ZNF385D: variants seen among roughly 807,000 people sequenced by gnomAD.
The protein encoded by ZNF385D is zinc finger protein 385D.
In ZNF385D, 15 loss-of-function variants were observed where a neutral mutation model predicts 35.8. The observed-to-expected ratio is 0.42, with a 90% confidence interval of 0.28 to 0.64. ZNF385D has a LOEUF of 0.64. Ranked by LOEUF, ZNF385D falls within the 30% of genes least tolerant of loss-of-function variation. The pLI, the probability that ZNF385D is intolerant of heterozygous loss-of-function variation, is 0.23. For missense variants in ZNF385D, 474 were observed against 494.6 expected (o/e 0.96, Z 0.39); for synonymous variants, 212 against 186.8 (o/e 1.13, Z -1.10).
intron 3 of ZNF385D, among the ~76,000 whole-genome samples, chr3:22,002,297 G>C (rs1279622655): frequency 1.3e-5 from 2 of 152,058 alleles, no homozygotes; most frequent in South Asian, 2.1e-4. Flanking sequence ...AGAAACATTA[G>C]AGGATATGAT....
At chr3:22,367,705 G>A (rs1039652751) in intron 2 of ZNF385D, among the ~76,000 whole-genome samples, 2 of 151,866 alleles carry the variant, frequency 1.3e-5, no homozygotes, top group African/African-American at 4.8e-5. Flanking sequence ...TTTCAGTTGA[G>A]GATAGATGGA....
Position 22,211,963 on chromosome 3 carries a change from C to A in ZNF385D, c.107-42928G>T, listed in dbSNP as rs145055006. 1.5e-3 allele frequency among the ~76,000 whole-genome samples: 232 copies of A among 152,068 alleles called. 1 individual carries two copies. Among genetic ancestry groups the A allele is most frequent in the African/African-American group, 5.2e-3 (216 of 41,530 alleles). ...ATGTGTTCCATCCAGATTTGTTTTT[C>A]TTTTCAGAATTTTCTCTGCCCTACA... On this transcript the variant is annotated intron_variant, in intron 2 of 5. Coordinates refer to the ZNF385D transcript ENST00000494108.
chr3:21,980,016 G>C (rs1340514166), intron 3 of ZNF385D, among the ~76,000 whole-genome samples: 7 of 152,086 alleles, frequency 4.6e-5, no homozygotes, highest in Non-Finnish European at 7.4e-5. Flanking sequence ...TTCAAGACTA[G>C]GCCATAAAAG....
intron 3 of ZNF385D, among the ~76,000 whole-genome samples, chr3:21,847,082 T>C (rs572934632): frequency 6.6e-6 from 1 of 152,162 alleles, no homozygotes; most frequent in African/African-American, 2.4e-5. Context: ...TATTTCTAAA[T>C]TCTAATCCCC....
At chr3:21,583,508 A>G (rs2063724633) in intron 2 of ZNF385D, among the ~76,000 whole-genome samples, 1 of 152,226 alleles carries the variant, frequency 6.6e-6, no homozygotes, top group Admixed American at 6.5e-5. Flanking sequence ...TTCCCAGTCC[A>G]GAGGTAAATA....
In ZNF385D at chr3:22,303,705, T is replaced by TA. The variant is rs536863667; in HGVS notation, c.106+68744dup. 4.1e-3 allele frequency among the ~76,000 whole-genome samples: 624 copies of TA among 152,298 alleles called. 10 individuals carry two copies. In the South Asian group the frequency reaches 0.049, roughly 12 times the overall value. ...ATACGTTTACGGTATATGTTTAATG[T>TA]AAAAAATCATATGCTCTCAATAATT... is the stretch of plus-strand genomic sequence containing the variant. On this transcript the variant is annotated intron_variant, in intron 2 of 5. Transcript: ENST00000494108.
chr3:22,006,251 G>A (rs1028041833), intron 3 of ZNF385D, among the ~76,000 whole-genome samples: 1 of 152,046 alleles, frequency 6.6e-6, no homozygotes, highest in Non-Finnish European at 1.5e-5. Flanking sequence ...TGTATCTGTG[G>A]TAAGACAAAC....
At chr3:22,057,513 A>ATTT (rs35980797) in intron 3 of ZNF385D, among the ~76,000 whole-genome samples, 4 of 144,902 alleles carry the variant, frequency 2.8e-5, no homozygotes, top group East Asian at 4.1e-4. Context: ...CTTTTAAAGT[A>ATTT]TTTTTTTTTT....
Position 21,674,895 on chromosome 3 carries a change from AATGGATGGATGG to A in ZNF385D, c.23-9879_23-9868del, listed in dbSNP as rs150113836. 4.5e-3 allele frequency among the ~76,000 whole-genome samples: 678 copies of A among 150,418 alleles called. 8 individuals carry two copies. Among genetic ancestry groups the A allele is most frequent in the African/African-American group, 0.015 (617 of 40,932 alleles). On this transcript the variant is annotated intron_variant, in intron 1 of 7. Coordinates refer to ENST00000281523, the MANE Select transcript of ZNF385D (RefSeq NM_024697.3). ...TAAGTGACTTGTGTATTGTTTTAGA[AATGGATGGATGG>A]ATGGATGGATGGATGGATGGATGGA...
At chr3:21,802,005 T>C (rs1004883623) in intron 3 of ZNF385D, among the ~76,000 whole-genome samples, 2 of 152,162 alleles carry the variant, frequency 1.3e-5, no homozygotes, top group African/African-American at 4.8e-5. Flanking sequence ...TTTCACAAAA[T>C]GGACAGAATA....
intron 2 of ZNF385D, among the ~76,000 whole-genome samples, chr3:22,173,579 G>A (rs1015143986): frequency 6.6e-6 from 1 of 152,174 alleles, no homozygotes; most frequent in Non-Finnish European, 1.5e-5. Flanking sequence ...GGAAAGAACT[G>A]AGAAAGAAAC....
At chr3:22,272,178 TAAC>T (rs1006862931) in intron 2 of ZNF385D, among the ~76,000 whole-genome samples, 1 of 152,056 alleles carries the variant, frequency 6.6e-6, no homozygotes, top group Non-Finnish European at 1.5e-5. Context: ...AAGCCAGTAA[TAAC>T]GACGCCACGA....
intron 3 of ZNF385D, among the ~76,000 whole-genome samples, chr3:21,757,279 A>C (rs2070387201): frequency 6.6e-6 from 1 of 151,774 alleles, no homozygotes; most frequent in South Asian, 2.1e-4. Context: ...TTCAGCTGGG[A>C]CTACAGGAGC....
chr3:22,089,665 G>C (rs985024298), intron 3 of ZNF385D, among the ~76,000 whole-genome samples: 2 of 152,062 alleles, frequency 1.3e-5, no homozygotes, highest in African/African-American at 4.8e-5. Flanking sequence ...CCCTGAGTAA[G>C]GGGGGGATTT....
At chr3:22,294,851 C>A (rs1200284984) in intron 2 of ZNF385D, among the ~76,000 whole-genome samples, 1 of 152,112 alleles carries the variant, frequency 6.6e-6, no homozygotes, top group Admixed American at 6.6e-5. Context: ...AAGCCTTAAT[C>A]TGTTACCACT....
intron 2 of ZNF385D, among the ~76,000 whole-genome samples, chr3:22,277,171 AT>A (rs1263526899): frequency 1.3e-5 from 2 of 152,136 alleles, no homozygotes; most frequent in Non-Finnish European, 2.9e-5. Context: ...TGAAATAGAG[AT>A]TTCAGGGAAG....
At chr3:21,751,471 A>G, upstream of ZNF385D, 1 of 985,732 alleles carries the variant, frequency 1.0e-6, no homozygotes, top group Non-Finnish European at 1.2e-6. Flanking sequence ...TTCTGCCATT[A>G]ACGTGTAATT....
intron 2 of ZNF385D, among the ~76,000 whole-genome samples, chr3:22,234,296 A>T (rs974358374): frequency 6.6e-6 from 1 of 152,078 alleles, no homozygotes; most frequent in Non-Finnish European, 1.5e-5. Context: ...CTTAAATGCA[A>T]TGTGGTGATT....
chr3:22,181,339 TCAGACCTTTCCA>T (rs1404206834), intron 2 of ZNF385D, among the ~76,000 whole-genome samples: 2 of 152,066 alleles, frequency 1.3e-5, no homozygotes, highest in African/African-American at 4.8e-5. Context: ...CTTGAGGTAA[TCAGACCTTTCCA>T]CAGTCCACTC....
Sources: allele counts gnomAD v4.1 joint callset (sites outside exome capture counted in the v4.1 genomes callset), GRCh38; gene constraint gnomAD v4.1.1; transcripts MANE v1.5; gene names NCBI Gene and HGNC (gene_info 2026-07-23, HGNC 2026-07-21).